The following ABTB2 variants were observed in gnomAD, a reference collection of about 807,000 sequenced individuals.
ABTB2 encodes the protein ankyrin repeat and BTB/POZ domain-containing protein 2.
Under a neutral mutation model 104.1 loss-of-function variants are expected in ABTB2, and 56 were observed. The observed-to-expected ratio is 0.54, with a 90% CI of 0.43 to 0.67. The LOEUF (loss-of-function observed/expected upper bound fraction) is 0.67, where lower values mean the gene tolerates loss of function less well. Ranked by LOEUF, ABTB2 falls within the 30% of genes least tolerant of loss-of-function variation. The pLI, the probability that ABTB2 is intolerant of heterozygous loss-of-function variation, is 0.00. For missense variants in ABTB2, 1,279 were observed against 1,407.7 expected (o/e 0.91, Z 1.46); for synonymous variants, 606 against 608.2 (o/e 1.00, Z 0.05).
chr11:34,224,856 T>G (rs187730993), intron 1 of ABTB2, among the ~76,000 whole-genome samples: 1 of 152,150 alleles, frequency 6.6e-6, no homozygotes, highest in Non-Finnish European at 1.5e-5. Flanking sequence ...TTTGAGATAG[T>G]GGTAATCTTT....
At chr11:34,341,233 A>T (rs1288634450) in intron 1 of ABTB2, among the ~76,000 whole-genome samples, 1 of 152,220 alleles carries the variant, frequency 6.6e-6, no homozygotes, top group African/African-American at 2.4e-5. Context: ...GGAGGAAACA[A>T]CTTGAGAGGG....
At chr11:34,292,858 A>G (rs1306610185) in intron 1 of ABTB2, among the ~76,000 whole-genome samples, 2 of 152,206 alleles carry the variant, frequency 1.3e-5, no homozygotes, top group East Asian at 3.9e-4. Flanking sequence ...AGAGGGTGGT[A>G]ATAAAGGAGT....
At chr11:34,353,755 C>T (rs377154238) in intron 1 of ABTB2, among the ~76,000 whole-genome samples, 1 of 152,172 alleles carries the variant, frequency 6.6e-6, no homozygotes, top group Non-Finnish European at 1.5e-5. Flanking sequence ...ATAGCTGAGT[C>T]AAATGCATGT....
At chr11:34,286,602 T>G (rs1854508822) in intron 1 of ABTB2, among the ~76,000 whole-genome samples, 3 of 152,120 alleles carry the variant, frequency 2.0e-5, no homozygotes, top group Admixed American at 2.0e-4. Flanking sequence ...CTCAAAATAT[T>G]TTAAAAAAGA....
At chr11:34,294,368 G>C (rs907671032) in intron 1 of ABTB2, among the ~76,000 whole-genome samples, 2 of 152,066 alleles carry the variant, frequency 1.3e-5, no homozygotes, top group Non-Finnish European at 2.9e-5. Flanking sequence ...GTGACAATGG[G>C]CCTTTGAGTC....
intron 1 of ABTB2, among the ~76,000 whole-genome samples, chr11:34,277,784 A>G (rs1304172393): frequency 6.7e-6 from 1 of 150,326 alleles, no homozygotes; most frequent in Non-Finnish European, 1.5e-5. Context: ...AAAATGAAAC[A>G]AAACAACAGA....
intron 5 of ABTB2, among the ~76,000 whole-genome samples, chr11:34,168,895 C>T (rs1001210373): frequency 1.3e-5 from 2 of 152,226 alleles, no homozygotes; most frequent in Admixed American, 6.5e-5. Flanking sequence ...ACGGCTGGAT[C>T]CCAGCAAGTG....
chr11:34,338,454 T>C (rs1855219669), intron 1 of ABTB2, among the ~76,000 whole-genome samples: 1 of 151,028 alleles, frequency 6.6e-6, no homozygotes, highest in African/African-American at 2.4e-5. Context: ...CCTGGCACTT[T>C]GGGAGGTCGA....
chr11:34,356,972 G>T lies in ABTB2; in HGVS notation c.612C>A (p.Thr204=). The change falls in exon 1 of 17, where the codon ACC becomes ACA. Residue 204 remains threonine, a synonymous_variant. Transcript: ENST00000435224. The surrounding 1 kb of genome is among the most constrained non-coding windows in gnomAD (Gnocchi z 4.6). The part of the protein sequence containing the change: ...RRGKSARCGL[T]FSVGRFFRWM... ...AGCGGAAAAAGCGACCCACTGAGAA[G>T]GTGAGGCCGCAGCGCGCGGACTTGC... 1 of 1,595,206 alleles carries T rather than the reference G, an allele frequency of 6.3e-7. No homozygotes were observed. The highest frequency in any genetic ancestry group is 8.5e-7 in the Non-Finnish European group (1 of 1,172,100).
At chr11:34,318,904 G>A (rs1854970206) in intron 1 of ABTB2, among the ~76,000 whole-genome samples, 2 of 152,348 alleles carry the variant, frequency 1.3e-5, no homozygotes, top group South Asian at 4.1e-4. Context: ...ATACCAAGAA[G>A]TGTCATCTCA....
intron 1 of ABTB2, among the ~76,000 whole-genome samples, chr11:34,260,003 T>A (rs1854170122): frequency 6.6e-6 from 1 of 152,064 alleles, no homozygotes; most frequent in African/African-American, 2.4e-5. Flanking sequence ...GAGGTGGGGT[T>A]TTGCCATGTT....
chr11:34,215,224 G>A (rs561514205), intron 1 of ABTB2, among the ~76,000 whole-genome samples: 6 of 152,358 alleles, frequency 3.9e-5, no homozygotes, highest in African/African-American at 1.4e-4. Context: ...AGCCAGCGCA[G>A]GGAGTGACAG....
At chr11:34,210,900 C>T (rs912352554) in intron 1 of ABTB2, among the ~76,000 whole-genome samples, 1 of 152,228 alleles carries the variant, frequency 6.6e-6, no homozygotes, top group Non-Finnish European at 1.5e-5. Context: ...TACTGCCCCA[C>T]TGAACGGTTT....
chr11:34,167,207 C>T (rs1432814502), intron 7 of ABTB2, 52 bp downstream of exon 7: 15 of 1,517,846 alleles, frequency 9.9e-6, no homozygotes, highest in Non-Finnish European at 1.3e-5. Context: ...TGCTTGGGGC[C>T]CAGGTCACCT....
chr11:34,259,068 A>G (rs569963066), intron 1 of ABTB2, among the ~76,000 whole-genome samples: 1 of 152,108 alleles, frequency 6.6e-6, no homozygotes, highest in African/African-American at 2.4e-5. Flanking sequence ...TAAGTGTTCA[A>G]TGTATGTTTG....
intron 1 of ABTB2, among the ~76,000 whole-genome samples, chr11:34,236,751 G>A (rs917373987): frequency 6.6e-6 from 1 of 152,198 alleles, no homozygotes; most frequent in African/African-American, 2.4e-5. Context: ...GAGGAGGGTA[G>A]ATAAACGAAA....
chr11:34,214,015 C>G (rs570365698), intron 1 of ABTB2, among the ~76,000 whole-genome samples: 1 of 152,270 alleles, frequency 6.6e-6, no homozygotes, highest in East Asian at 1.9e-4. Flanking sequence ...TTGAAAAGAA[C>G]AGTCCGCCAC....
chr11:34,344,320 G>A (rs566602862), intron 1 of ABTB2, among the ~76,000 whole-genome samples: 1 of 152,332 alleles, frequency 6.6e-6, no homozygotes, highest in South Asian at 2.1e-4. Context: ...GCAAAATTCA[G>A]GGGCTTTTAT....
intron 1 of ABTB2, among the ~76,000 whole-genome samples, chr11:34,341,223 G>T (rs6484707): frequency 3.9e-5 from 6 of 152,144 alleles, no homozygotes; most frequent in African/African-American, 1.4e-4. Flanking sequence ...ATTTTGCTGA[G>T]GAGGAAACAA....
Sources: allele counts gnomAD v4.1 joint callset (sites outside exome capture counted in the v4.1 genomes callset), GRCh38; gene constraint gnomAD v4.1.1; non-coding constraint Gnocchi (gnomAD v3.1); transcripts MANE v1.5; gene names NCBI Gene and HGNC (gene_info 2026-07-23, HGNC 2026-07-21).